Variants in NELL1 observed in about 807,000 individuals in gnomAD.
NELL1 encodes the protein neural EGFL like 1, also known as protein kinase C-binding protein NELL1.
A neutral mutation model predicts 107.4 loss-of-function variants in NELL1; 76 were observed. That is an observed-to-expected ratio of 0.71 (90% confidence interval 0.59 to 0.86). NELL1 has a LOEUF of 0.86. Among genes scored for constraint, NELL1 ranks in the 40% least tolerant of loss-of-function variants. NELL1 has a pLI of 0.00. For missense variants in NELL1, 1,024 were observed against 1,005.5 expected, an observed-to-expected ratio of 1.02 and a Z score of -0.25; for synonymous variants, 353 against 341.2, an observed-to-expected ratio of 1.03 and a Z score of -0.38.
At chr11:21,459,477 T>C (rs1853843968) in intron 15 of NELL1, among the ~76,000 whole-genome samples, 1 of 150,624 alleles carries the variant, frequency 6.6e-6, no homozygotes, top group Non-Finnish European at 1.5e-5. Context: ...AAGTAAAGGA[T>C]AAAAAAAAGA....
intron 12 of NELL1, among the ~76,000 whole-genome samples, chr11:21,023,737 T>A (rs561847134): frequency 2.0e-5 from 3 of 151,998 alleles, no homozygotes; most frequent in Admixed American, 6.6e-5. Context: ...ATAAAGACAA[T>A]GTATGACATC....
chr11:20,784,474 A>C (rs1274278801), intron 3 of NELL1, among the ~76,000 whole-genome samples: 1 of 152,224 alleles, frequency 6.6e-6, no homozygotes, highest in Non-Finnish European at 1.5e-5. Flanking sequence ...TTTAAGAAGC[A>C]ACACATGGGT....
intron 14 of NELL1, among the ~76,000 whole-genome samples, chr11:21,248,921 A>G (rs1172198718): frequency 6.6e-6 from 1 of 152,048 alleles, no homozygotes; most frequent in Non-Finnish European, 1.5e-5. Context: ...GGGAATCTGG[A>G]AGAACATGAT....
chr11:20,723,421 G>T (rs1223319670), intron 2 of NELL1, among the ~76,000 whole-genome samples: 1 of 152,158 alleles, frequency 6.6e-6, no homozygotes, highest in Non-Finnish European at 1.5e-5. Context: ...GGGGCCACAG[G>T]CCTCCTCCAA....
intron 14 of NELL1, among the ~76,000 whole-genome samples, chr11:21,315,421 G>A (rs1849856902): frequency 6.6e-6 from 1 of 151,930 alleles, no homozygotes; most frequent in African/African-American, 2.4e-5. Flanking sequence ...GGAAAGCAGT[G>A]CACCAGATTC....
At chr11:21,408,024 T>C (rs1235495861) in intron 15 of NELL1, among the ~76,000 whole-genome samples, 1 of 151,946 alleles carries the variant, frequency 6.6e-6, no homozygotes, top group East Asian at 2.0e-4. Flanking sequence ...TATTGTGATA[T>C]GGAGATTTGT....
chr11:21,402,908 G>C (rs972687461), intron 15 of NELL1, among the ~76,000 whole-genome samples: 1 of 151,514 alleles, frequency 6.6e-6, no homozygotes, highest in South Asian at 2.1e-4. Context: ...CTTTTAATTG[G>C]GTAACCTTGC....
chr11:21,157,161 A>ATATATATG (rs372420048), intron 13 of NELL1, among the ~76,000 whole-genome samples: 208 of 149,748 alleles, frequency 1.4e-3, no homozygotes, highest in African/African-American at 2.8e-3. Flanking sequence ...ATATATATAT[A>ATATATATG]TGTGTGTGTG....
chr11:20,703,414 G>A (rs1323108894), intron 2 of NELL1, among the ~76,000 whole-genome samples: 4 of 151,992 alleles, frequency 2.6e-5, no homozygotes, highest in Non-Finnish European at 5.9e-5. Flanking sequence ...AATCTTGCTA[G>A]CAGTCTATGA....
In NELL1 at chr11:21,109,935, G is replaced by T. The variant is rs530275330; in HGVS notation, c.1301-3654G>T. On this transcript the variant is annotated intron_variant, in intron 12 of 19. Coordinates refer to ENST00000357134, the MANE Select transcript of NELL1 (RefSeq NM_006157.5). ...CCTGAGGATGGAGAGGCAATCCTTT[G>T]GCAAACGTGTTGCCATTCCATCCTC... Among the ~76,000 whole-genome samples the T allele has an allele frequency of 2.0e-5, 3 of 152,116 alleles. No individual in the cohort carries two copies. In the East Asian group the frequency reaches 5.8e-4, roughly 30 times the overall value.
At chr11:20,802,350 T>C (rs1040415382) in intron 3 of NELL1, among the ~76,000 whole-genome samples, 2 of 152,146 alleles carry the variant, frequency 1.3e-5, no homozygotes, top group Non-Finnish European at 2.9e-5. Flanking sequence ...CTGATGTAAA[T>C]GAAATTACTT....
intron 12 of NELL1, among the ~76,000 whole-genome samples, chr11:21,008,249 C>T (rs71488771): frequency 0.041 from 6,210 of 152,174 alleles, 188 homozygotes; most frequent in Middle Eastern, 0.12. Flanking sequence ...AAATATTTAA[C>T]GTATTTTCAG....
At chr11:21,313,638 G>A (rs1443603271) in intron 14 of NELL1, among the ~76,000 whole-genome samples, 1 of 152,130 alleles carries the variant, frequency 6.6e-6, no homozygotes, top group Non-Finnish European at 1.5e-5. Flanking sequence ...CAAGGTCAAA[G>A]GGCTGCATCT....
intron 12 of NELL1, among the ~76,000 whole-genome samples, chr11:21,090,393 G>C (rs1854493969): frequency 6.6e-6 from 1 of 152,106 alleles, no homozygotes; most frequent in South Asian, 2.1e-4. Context: ...CTATTTGCCT[G>C]TTCAGTGTTT....
intron 2 of NELL1, among the ~76,000 whole-genome samples, chr11:20,717,918 C>T (rs1269574282): frequency 1.3e-5 from 2 of 152,186 alleles, no homozygotes; most frequent in African/African-American, 4.8e-5. Context: ...GCCCCTGTCA[C>T]AATATTAACT....
intron 15 of NELL1, among the ~76,000 whole-genome samples, chr11:21,478,815 A>G (rs1854414801): frequency 6.8e-6 from 1 of 147,026 alleles, no homozygotes; most frequent in African/African-American, 2.5e-5. Flanking sequence ...TAAATAGAAT[A>G]TATAGGAGCT....
chr11:21,164,431 T>C (rs16907584), intron 13 of NELL1, among the ~76,000 whole-genome samples: 3,682 of 152,282 alleles, frequency 0.024, 157 homozygotes, highest in African/African-American at 0.082. Flanking sequence ...AAGCTAATCT[T>C]AGACTTTAAA....
chr11:21,308,068 C>T (rs191537078), intron 14 of NELL1, among the ~76,000 whole-genome samples: 18 of 152,058 alleles, frequency 1.2e-4, no homozygotes, highest in African/African-American at 3.4e-4. Flanking sequence ...TAGGTTGGAA[C>T]GCCGGCTTTG....
chr11:21,496,432 A>G (rs1854982925), intron 15 of NELL1, among the ~76,000 whole-genome samples: 2 of 134,116 alleles, frequency 1.5e-5, no homozygotes, highest in African/African-American at 2.8e-5. Context: ...TTTTCTTGAG[A>G]GGAGTCTCAC....
Sources: allele counts gnomAD v4.1 joint callset (sites outside exome capture counted in the v4.1 genomes callset), GRCh38; gene constraint gnomAD v4.1.1; transcripts MANE v1.5; gene names NCBI Gene and HGNC (gene_info 2026-07-23, HGNC 2026-07-21).